The following SBF2 variants were observed in gnomAD, a reference collection of about 807,000 sequenced individuals.
The protein encoded by SBF2 is myotubularin-related protein 13.
Under a neutral mutation model 225.2 loss-of-function variants are expected in SBF2, and 112 were observed. The ratio of observed to expected loss-of-function variants is 0.50; its 90% confidence interval spans 0.43 to 0.58. The LOEUF is 0.58. Among genes scored for constraint, SBF2 ranks in the 20% least tolerant of loss-of-function variants. SBF2 has a pLI of 0.00. For synonymous variants in SBF2, 763 were observed against 773.3 expected (o/e 0.99, Z 0.22); for missense variants, 1,996 against 2,206.2 (o/e 0.90, Z 1.91).
At chr11:10,058,072 C>T (rs953485357) in intron 2 of SBF2, among the ~76,000 whole-genome samples, 2 of 152,128 alleles carry the variant, frequency 1.3e-5, no homozygotes, top group Admixed American at 6.5e-5. Flanking sequence ...AAGAACAGTG[C>T]GAGAACTCTG....
intron 1 of SBF2, among the ~76,000 whole-genome samples, chr11:10,227,405 G>A (rs1236684133): frequency 3.3e-5 from 5 of 152,134 alleles, no homozygotes; most frequent in African/African-American, 1.2e-4. Flanking sequence ...CCATGCCTAT[G>A]TCCTGAATGG....
At chr11:9,977,820 A>G (rs1946769711) in intron 13 of SBF2, among the ~76,000 whole-genome samples, 1 of 152,196 alleles carries the variant, frequency 6.6e-6, no homozygotes, top group Non-Finnish European at 1.5e-5. Flanking sequence ...AGAGCAGCTA[A>G]GCTCAGTTAC....
At chr11:9,993,307 T>C (rs1947524475) in intron 10 of SBF2, among the ~76,000 whole-genome samples, 1 of 152,236 alleles carries the variant, frequency 6.6e-6, no homozygotes, top group Non-Finnish European at 1.5e-5. Context: ...AGTTTAGAAC[T>C]GTAAGGAAAC....
intron 2 of SBF2, among the ~76,000 whole-genome samples, chr11:10,057,094 C>T (rs1415684491): frequency 6.6e-6 from 1 of 152,162 alleles, no homozygotes; most frequent in Non-Finnish European, 1.5e-5. Context: ...TGTTTCACAG[C>T]CTTCACTGGT....
chr11:10,286,635 A>C (rs570116408), intron 1 of SBF2, among the ~76,000 whole-genome samples: 1 of 152,174 alleles, frequency 6.6e-6, no homozygotes, highest in South Asian at 2.1e-4. Context: ...TGAGATTATA[A>C]GTGTGAGCCA....
intron 1 of SBF2, among the ~76,000 whole-genome samples, chr11:10,238,056 T>C (rs1053408576): frequency 3.3e-5 from 5 of 152,158 alleles, no homozygotes; most frequent in African/African-American, 1.2e-4. Flanking sequence ...CTGTTTCTGA[T>C]AACACTCCTA....
intron 27 of SBF2, among the ~76,000 whole-genome samples, chr11:9,831,145 G>A (rs1304002080): frequency 2.6e-5 from 4 of 151,986 alleles, no homozygotes; most frequent in Non-Finnish European, 5.9e-5. Context: ...ACTCAGGCAC[G>A]TGCCACCACG....
chr11:9,817,756 A>C (rs1854531488), intron 28 of SBF2, among the ~76,000 whole-genome samples: 1 of 144,662 alleles, frequency 6.9e-6, no homozygotes, highest in East Asian at 2.0e-4. Context: ...AAAAAAAAAA[A>C]AAAAAAAAAA....
chr11:9,884,014 G>A (rs1418602378), intron 17 of SBF2, among the ~76,000 whole-genome samples: 2 of 152,178 alleles, frequency 1.3e-5, no homozygotes, highest in African/African-American at 2.4e-5. Flanking sequence ...AGGGTTCTGA[G>A]ACTCTTGAAT....
intron 2 of SBF2, among the ~76,000 whole-genome samples, chr11:10,094,551 C>T: frequency 2.2e-5 from 1 of 45,646 alleles, no homozygotes; most frequent in South Asian, 6.4e-4. Context: ...TTTTTTGAGA[C>T]AGAGTTTCAC....
At chr11:9,998,438 T>C in intron 8 of SBF2, 59 bp from the exon 9 acceptor site, 2 of 952,510 alleles carry the variant, frequency 2.1e-6, no homozygotes, top group Admixed American at 1.8e-5. Flanking sequence ...GTTAAGCAAA[T>C]TATTTTTCCC....
At chr11:9,853,782 A>T in intron 19 of SBF2, 70 bp from the exon 20 acceptor site, 4 of 1,345,898 alleles carry the variant, frequency 3.0e-6, no homozygotes, top group Non-Finnish European at 4.3e-6. Flanking sequence ...ATAGTAGTCA[A>T]TTTACATAGC....
chr11:10,091,297 T>TA (rs1330608437), intron 2 of SBF2, among the ~76,000 whole-genome samples: 1 of 152,224 alleles, frequency 6.6e-6, no homozygotes, highest in Non-Finnish European at 1.5e-5. Context: ...AACTTTCCTA[T>TA]AAACTTGCCT....
intron 16 of SBF2, among the ~76,000 whole-genome samples, chr11:9,936,308 T>A (rs1056422844): frequency 6.6e-6 from 1 of 152,196 alleles, no homozygotes; most frequent in Non-Finnish European, 1.5e-5. Flanking sequence ...AAACAACAGA[T>A]GCTGGAGCGG....
At chr11:9,870,354 T>C (rs530464466) in intron 17 of SBF2, among the ~76,000 whole-genome samples, 1 of 152,308 alleles carries the variant, frequency 6.6e-6, no homozygotes, top group African/African-American at 2.4e-5. Flanking sequence ...GAAAATACTA[T>C]ATTAAAATTC....
intron 2 of SBF2, among the ~76,000 whole-genome samples, chr11:10,188,220 G>T (rs184958241): frequency 1.3e-5 from 2 of 152,132 alleles, no homozygotes; most frequent in East Asian, 3.9e-4. Context: ...TAAAATTATA[G>T]ATACAATGGA....
At chr11:10,193,724 T>C (rs1198817189) in intron 2 of SBF2, among the ~76,000 whole-genome samples, 178 bp downstream of exon 2, 2 of 152,172 alleles carry the variant, frequency 1.3e-5, no homozygotes, top group Non-Finnish European at 1.5e-5. Context: ...AGAATTAATA[T>C]ATTCAAAGAT....
chr11:9,841,934 G>C (rs538347139), intron 25 of SBF2, among the ~76,000 whole-genome samples: 11 of 152,214 alleles, frequency 7.2e-5, no homozygotes, highest in African/African-American at 2.6e-4. Flanking sequence ...GTTGTTAGTA[G>C]TAGTTTTTGC....
In SBF2 at chr11:10,127,449, A is replaced by G. The variant is rs566796399; in HGVS notation, c.141+66453T>C. Among the ~76,000 whole-genome samples, 52 of 152,096 alleles carry G rather than the reference A, an allele frequency of 3.4e-4. No individual in the cohort carries two copies. The South Asian group carries it at 0.011, about 31-fold the overall frequency. On this transcript the variant is annotated intron_variant, in intron 2 of 39. Transcript: ENST00000256190. ...TAATTCCTCCAATGCATCCTTTTCT[A>G]TTGTTGTTATCTCATCAACATCCCT...
Sources: gnomAD v4.1 joint callset for allele counts (sites outside exome capture counted in the v4.1 genomes callset) on GRCh38, gnomAD v4.1.1 for gene constraint, MANE v1.5 for transcripts, NCBI Gene and HGNC (gene_info 2026-07-23, HGNC 2026-07-21) for gene names.